Variants in PXDNL observed in about 807,000 individuals in gnomAD.
PXDNL encodes probable oxidoreductase PXDNL.
A neutral mutation model predicts 150.8 loss-of-function variants in PXDNL; 145 were observed. The observed-to-expected ratio is 0.96, with a 90% CI of 0.84 to 1.10. The LOEUF (loss-of-function observed/expected upper bound fraction) is 1.10, where lower values mean the gene tolerates loss of function less well. Ranked by LOEUF, PXDNL falls within the 50% of genes least tolerant of loss-of-function variation. The probability of loss-of-function intolerance (pLI) is 0.00; values close to 1 mark genes in which losing one functional copy is unlikely to be tolerated. For missense variants in PXDNL, 2,087 were observed against 1,873.9 expected, an observed-to-expected ratio of 1.11 and a Z score of -2.10; for synonymous variants, 757 against 725.7, an observed-to-expected ratio of 1.04 and a Z score of -0.69.
At chr8:51,533,933 T>A (rs1219581762) in intron 4 of PXDNL, among the ~76,000 whole-genome samples, 3 of 150,246 alleles carry the variant, frequency 2.0e-5, no homozygotes, top group African/African-American at 7.4e-5. Flanking sequence ...GGAGCGTCTC[T>A]GCCTGGCCCC....
chr8:51,556,243 A>G (rs754589673), intron 4 of PXDNL, among the ~76,000 whole-genome samples: 19 of 151,804 alleles, frequency 1.3e-4, no homozygotes, highest in Admixed American at 3.3e-4. Context: ...CAGTCTGGGC[A>G]ACAGAGAGAG....
chr8:51,482,499 T>A (rs1379704148), intron 6 of PXDNL, among the ~76,000 whole-genome samples: 1 of 152,140 alleles, frequency 6.6e-6, no homozygotes, highest in African/African-American at 2.4e-5. Flanking sequence ...TGGGAAGGCA[T>A]GATTTGTTTT....
At chr8:51,629,632 T>A (rs1445234083) in intron 2 of PXDNL, among the ~76,000 whole-genome samples, 1 of 152,176 alleles carries the variant, frequency 6.6e-6, no homozygotes, top group African/African-American at 2.4e-5. Flanking sequence ...TATTATCACA[T>A]TTTGATAGCC....
intron 4 of PXDNL, among the ~76,000 whole-genome samples, chr8:51,553,796 G>A (rs966595608): frequency 3.6e-5 from 5 of 137,074 alleles, no homozygotes; most frequent in African/African-American, 8.8e-5. Context: ...TATAAATCTC[G>A]GCATGTTACT....
chr8:51,705,575 C>T (rs752291563), intron 1 of PXDNL, among the ~76,000 whole-genome samples: 10 of 152,112 alleles, frequency 6.6e-5, no homozygotes, highest in Admixed American at 2.6e-4. Flanking sequence ...TATCAGAAAG[C>T]GCATATTACT....
intron 2 of PXDNL, among the ~76,000 whole-genome samples, chr8:51,621,943 CAA>C (rs71237221): frequency 4.7e-5 from 6 of 128,200 alleles, no homozygotes; most frequent in Non-Finnish European, 5.0e-5. Flanking sequence ...GACCCTGTCT[CAA>C]AAAAAAAAAA....
chr8:51,765,849 C>CTT (rs5891431), intron 1 of PXDNL, among the ~76,000 whole-genome samples: 11 of 142,218 alleles, frequency 7.7e-5, no homozygotes, highest in Admixed American at 2.8e-4. Context: ...CCTGTTTATT[C>CTT]TTTTTTTTTT....
intron 14 of PXDNL, among the ~76,000 whole-genome samples, chr8:51,419,630 C>T (rs566213236): frequency 3.9e-5 from 6 of 152,232 alleles, no homozygotes; most frequent in South Asian, 2.1e-4. Context: ...TCAGTCAAAC[C>T]GAATCATTTT....
intron 2 of PXDNL, among the ~76,000 whole-genome samples, chr8:51,636,326 C>G (rs1039720596): frequency 6.6e-6 from 1 of 152,072 alleles, no homozygotes; most frequent in African/African-American, 2.4e-5. Flanking sequence ...CTATTTAACG[C>G]TATATTGGAA....
intron 4 of PXDNL, among the ~76,000 whole-genome samples, chr8:51,529,139 TCC>T (rs1811830380): frequency 6.6e-6 from 1 of 152,152 alleles, no homozygotes; most frequent in African/African-American, 2.4e-5. Context: ...GTCAATCACA[TCC>T]CAGTTGTATA....
chr8:51,395,937 C>A (rs879925232), intron 17 of PXDNL, among the ~76,000 whole-genome samples: 36 of 152,320 alleles, frequency 2.4e-4, no homozygotes, highest in African/African-American at 7.0e-4. Context: ...CAGGACAATC[C>A]CACAGCTCCC....
intron 1 of PXDNL, among the ~76,000 whole-genome samples, chr8:51,772,730 G>C (rs1393425752): frequency 6.6e-6 from 1 of 152,238 alleles, no homozygotes; most frequent in Non-Finnish European, 1.5e-5. Context: ...ATGGGGCTGA[G>C]ACAAGGTAGC....
intron 14 of PXDNL, among the ~76,000 whole-genome samples, chr8:51,419,405 T>C (rs948649399): frequency 2.6e-5 from 4 of 152,238 alleles, no homozygotes; most frequent in Non-Finnish European, 4.4e-5. Flanking sequence ...TAACTATTGT[T>C]TGAATTCTAT....
intron 19 of PXDNL, among the ~76,000 whole-genome samples, chr8:51,364,546 G>T (rs1402507737): frequency 6.6e-6 from 1 of 152,170 alleles, no homozygotes; most frequent in African/African-American, 2.4e-5. Flanking sequence ...AAAGGAGATG[G>T]TTGTGTGGAC....
chr8:51,523,512 T>C (rs1173682723), intron 4 of PXDNL, among the ~76,000 whole-genome samples: 7 of 152,236 alleles, frequency 4.6e-5, no homozygotes, highest in Non-Finnish European at 1.0e-4. Flanking sequence ...AAATATCTAG[T>C]TCTTTTTCAA....
chr8:51,509,813 T>C (rs896665937), intron 4 of PXDNL, among the ~76,000 whole-genome samples: 1 of 150,900 alleles, frequency 6.6e-6, no homozygotes, highest in Non-Finnish European at 1.5e-5. Flanking sequence ...TATATACATA[T>C]ACGTGTGTGT....
chr8:51,384,729 ACTTTT>A (rs1240995410), intron 17 of PXDNL, among the ~76,000 whole-genome samples: 1 of 152,110 alleles, frequency 6.6e-6, no homozygotes, highest in Non-Finnish European at 1.5e-5. Flanking sequence ...GGGAGGAGGA[ACTTTT>A]CTTTCTACTA....
intron 8 of PXDNL, among the ~76,000 whole-genome samples, chr8:51,467,667 TTCA>T (rs1810231811): frequency 6.6e-6 from 1 of 152,070 alleles, no homozygotes; most frequent in Non-Finnish European, 1.5e-5. Flanking sequence ...TTAAATCTCT[TTCA>T]TCAAGTCATT....
chr8:51,781,285 T>G (rs1006022654), intron 1 of PXDNL, among the ~76,000 whole-genome samples: 11 of 152,270 alleles, frequency 7.2e-5, no homozygotes, highest in Admixed American at 3.9e-4. Context: ...TCTCTGACTT[T>G]GTGTGCCTTG....
Sources: allele counts gnomAD v4.1 joint callset (sites outside exome capture counted in the v4.1 genomes callset), GRCh38; gene constraint gnomAD v4.1.1; transcripts MANE v1.5; gene names NCBI Gene and HGNC (gene_info 2026-07-23, HGNC 2026-07-21).